Variants in PLEKHG1 observed in about 807,000 individuals in gnomAD.
PLEKHG1 encodes the protein pleckstrin homology domain-containing family G member 1.
PLEKHG1 carries 44 observed loss-of-function variants against 100.8 expected under a neutral mutation model. The ratio of observed to expected loss-of-function variants is 0.44; its 90% CI spans 0.34 to 0.56. PLEKHG1 has a LOEUF of 0.56. PLEKHG1 is among the 20% of genes least tolerant of loss of function. The pLI is 0.01. For missense variants in PLEKHG1, 1,545 were observed against 1,720.9 expected, an observed-to-expected ratio of 0.90 and a Z score of 1.81; for synonymous variants, 640 against 662.5, an observed-to-expected ratio of 0.97 and a Z score of 0.52.
At chr6:150,699,534 A>G (rs568437295) in intron 3 of PLEKHG1, among the ~76,000 whole-genome samples, 1 of 152,316 alleles carries the variant, frequency 6.6e-6, no homozygotes, top group East Asian at 1.9e-4. Context: ...TGCCCTGCCT[A>G]TATGCCCAGG....
Position 150,750,780 on chromosome 6 carries a change from C to CAAAAAAA in PLEKHG1, c.411+16705_411+16711dup, listed in dbSNP as rs1158670858. Among the ~76,000 whole-genome samples, 25 of 37,400 alleles carry CAAAAAAA rather than the reference C, an allele frequency of 6.7e-4. 1 individual carries two copies. Among genetic ancestry groups the CAAAAAAA allele is most frequent in the African/African-American group, 2.4e-3 (24 of 9,918 alleles). 24.5% of individuals were successfully genotyped at this position (37,400 alleles called of 152,430 possible). A position where few individuals can be genotyped will look rare whatever the true frequency, so the allele number is the denominator to read the frequency against. ...TGGGCGACAGAGCGAGACTCCATCT[C>CAAAAAAA]AAAAAAAAAAAAAAAAAAAAAAAGG... On this transcript the variant is annotated intron_variant, in intron 2 of 15. Coordinates refer to ENST00000358517, the Ensembl canonical transcript of PLEKHG1.
chr6:150,646,559 A>G (rs1430938071), intron 2 of PLEKHG1, among the ~76,000 whole-genome samples: 3 of 152,184 alleles, frequency 2.0e-5, no homozygotes, highest in African/African-American at 7.2e-5. Context: ...AGTTTGTATT[A>G]CACAGGCCAT....
At chr6:150,736,234 G>A (rs1782552838) in intron 2 of PLEKHG1, among the ~76,000 whole-genome samples, 1 of 152,198 alleles carries the variant, frequency 6.6e-6, no homozygotes, top group Non-Finnish European at 1.5e-5. Flanking sequence ...CCCTGTCTTA[G>A]GCTATAAGTT....
In PLEKHG1 at chr6:150,800,885, G is replaced by A; in HGVS notation, c.780+16G>A. On this transcript the variant is annotated intron_variant, in intron 6 of 15. Coordinates refer to ENST00000358517, the Ensembl canonical transcript of PLEKHG1. ...CCTTCTGCATGTAAGTTTCTGCCTG[G>A]CATGAGCACTTTCCAGGGGATGGGA... 6.2e-7 allele frequency: 1 copy of A among 1,611,282 alleles called. No individual in the cohort carries two copies. The highest frequency in any genetic ancestry group is 8.5e-7 in the Non-Finnish European group (1 of 1,177,944).
chr6:150,820,207 T>TAA (rs1230260107), intron 12 of PLEKHG1, among the ~76,000 whole-genome samples: 4 of 141,428 alleles, frequency 2.8e-5, no homozygotes, highest in Admixed American at 1.4e-4. Flanking sequence ...AGACTCTGTC[T>TAA]AAAAAAAAAA....
rs1368714829 is a variant in PLEKHG1, at chr6:150,671,288, C to T, written c.-99+20502C>T. Among the ~76,000 whole-genome samples, 16 of 152,136 alleles carry T rather than the reference C, an allele frequency of 1.1e-4. 1 individual carries two copies. The highest frequency in any genetic ancestry group is 1.0e-3 in the Admixed American group (16 of 15,270). On this transcript the variant is annotated intron_variant, in intron 3 of 3. Coordinates refer to the PLEKHG1 transcript ENST00000367326. The stretch of plus-strand genomic sequence containing the variant: ...ATTGCAGGATCACATGGTAGATCTA[C>T]TTTTAGTTCTTTAAGGAATCTCCAC...
At chr6:150,795,790 T>A in intron 4 of PLEKHG1, 66 bp from the exon 6 acceptor site, 1 of 902,496 alleles carries the variant, frequency 1.1e-6, no homozygotes. Flanking sequence ...TTCTTTTTAT[T>A]GTTTTCAAAT....
chr6:150,644,726 G>C (rs1260124714), intron 2 of PLEKHG1, among the ~76,000 whole-genome samples: 2 of 151,970 alleles, frequency 1.3e-5, no homozygotes. Context: ...GAAAAAAACA[G>C]GATATTTTTT....
At chr6:150,781,195 A>G (rs1171730382) in intron 3 of PLEKHG1, among the ~76,000 whole-genome samples, 1 of 147,894 alleles carries the variant, frequency 6.8e-6, no homozygotes, top group Non-Finnish European at 1.5e-5. Flanking sequence ...TTTATATTTT[A>G]TTTTCACATT....
At chr6:150,838,457 TG>T (rs1197134299) in intron 15 of PLEKHG1, among the ~76,000 whole-genome samples, 1 of 152,242 alleles carries the variant, frequency 6.6e-6, no homozygotes, top group Non-Finnish European at 1.5e-5. Context: ...GTGTATTTTA[TG>T]TGTGTCCCAA....
intron 7 of PLEKHG1, among the ~76,000 whole-genome samples, chr6:150,807,947 C>T (rs893125585): frequency 5.3e-5 from 8 of 151,954 alleles, no homozygotes; most frequent in Non-Finnish European, 1.5e-5. Flanking sequence ...CCAGCCTGGA[C>T]AACAGAGCGA....
chr6:150,648,768 A>G (rs1303388439), intron 2 of PLEKHG1, among the ~76,000 whole-genome samples: 2 of 152,136 alleles, frequency 1.3e-5, no homozygotes, highest in African/African-American at 4.8e-5. Context: ...GGTAAACTGT[A>G]TGTATTAGTT....
chr6:150,620,317 C>T (rs11968779), intron 1 of PLEKHG1, among the ~76,000 whole-genome samples: 16,525 of 152,230 alleles, frequency 0.11, 894 homozygotes, highest in African/African-American at 0.14. Flanking sequence ...GGCCTGACAG[C>T]GTTTCTCTCC....
chr6:150,710,437 C>T (rs185880521), intron 3 of PLEKHG1, among the ~76,000 whole-genome samples: 4 of 152,224 alleles, frequency 2.6e-5, no homozygotes, highest in Admixed American at 2.6e-4. Context: ...ACTATAACCA[C>T]ACCTTTTAAG....
At chr6:150,738,559 C>T (rs1782691141) in intron 2 of PLEKHG1, among the ~76,000 whole-genome samples, 2 of 152,168 alleles carry the variant, frequency 1.3e-5, no homozygotes, top group South Asian at 2.1e-4. Context: ...AATAATCTCA[C>T]ATATTTAGGT....
exon 16 of PLEKHG1, chr6:150,840,004 A>G (rs1057483009): frequency 6.8e-6 from 11 of 1,613,936 alleles, no homozygotes; most frequent in East Asian, 4.5e-5. Flanking sequence ...CATTCAACCT[A>G]TAGTAATGGA....
intron 2 of PLEKHG1, among the ~76,000 whole-genome samples, chr6:150,765,423 G>GGT (rs1784407419): frequency 6.6e-6 from 1 of 151,876 alleles, no homozygotes; most frequent in African/African-American, 2.4e-5. Context: ...GAACTTGGGA[G>GGT]GTGGAGGTCG....
At chr6:150,703,958 A>C (rs1780903715) in intron 3 of PLEKHG1, among the ~76,000 whole-genome samples, 2 of 152,196 alleles carry the variant, frequency 1.3e-5, no homozygotes, top group South Asian at 4.1e-4. Flanking sequence ...AATGGAACTA[A>C]TTTTAAGTCT....
intron 3 of PLEKHG1, among the ~76,000 whole-genome samples, chr6:150,674,515 G>A (rs1779673780): frequency 6.6e-6 from 1 of 152,118 alleles, no homozygotes. Flanking sequence ...TAGAGAGCTA[G>A]CCAGGTTCAA....
Sources: gnomAD v4.1 joint callset for allele counts (sites outside exome capture counted in the v4.1 genomes callset) on GRCh38, gnomAD v4.1.1 for gene constraint, MANE v1.5 for transcripts, NCBI Gene and HGNC (gene_info 2026-07-23, HGNC 2026-07-21) for gene names.